The following WWOX variants were observed in gnomAD, a reference collection of about 807,000 sequenced individuals.
WWOX encodes the protein WW domain-containing oxidoreductase.
A neutral mutation model predicts 46.2 loss-of-function variants in WWOX; 69 were observed. The observed-to-expected ratio is 1.49, with a 90% CI of 1.23 to 1.82. The LOEUF (loss-of-function observed/expected upper bound fraction) is 1.82, where lower values mean the gene tolerates loss of function less well. WWOX is among the 40% of genes most tolerant of loss of function. WWOX has a pLI of 0.00. For synonymous variants in WWOX, 359 were observed against 202.6 expected (o/e 1.77, Z -6.56); for missense variants, 919 against 542.6 (o/e 1.69, Z -6.89).
chr16:79,009,868 T>G (rs1567480979), intron 8 of WWOX, among the ~76,000 whole-genome samples: 1 of 152,062 alleles, frequency 6.6e-6, no homozygotes, highest in South Asian at 2.1e-4. Context: ...GGGAAGGTGG[T>G]TGGAGAGAGT....
At chr16:78,134,739 T>A (rs901875062) in intron 4 of WWOX, among the ~76,000 whole-genome samples, 1 of 152,196 alleles carries the variant, frequency 6.6e-6, no homozygotes, top group Admixed American at 6.5e-5. Context: ...TGTTTGCAAT[T>A]AATGGCAGGA....
chr16:78,528,789 G>T (rs1282857796), intron 8 of WWOX, among the ~76,000 whole-genome samples: 1 of 152,088 alleles, frequency 6.6e-6, no homozygotes, highest in Non-Finnish European at 1.5e-5. Flanking sequence ...TTTTTCAGTG[G>T]CTGGTTCTTC....
intron 8 of WWOX, among the ~76,000 whole-genome samples, chr16:78,983,175 A>G (rs1046884189): frequency 6.6e-6 from 1 of 152,190 alleles, no homozygotes; most frequent in Non-Finnish European, 1.5e-5. Context: ...GAATTCCTTC[A>G]TAGAATCAAA....
intron 5 of WWOX, among the ~76,000 whole-genome samples, chr16:78,245,355 C>G (rs1365370704): frequency 6.6e-6 from 1 of 152,158 alleles, no homozygotes; most frequent in Non-Finnish European, 1.5e-5. Context: ...ATCTTTGGTT[C>G]TAAAGCATTT....
intron 5 of WWOX, among the ~76,000 whole-genome samples, chr16:78,366,654 G>A (rs955918678): frequency 4.6e-5 from 7 of 152,146 alleles, no homozygotes; most frequent in Admixed American, 2.6e-4. Context: ...CTCGTCTGTT[G>A]CCACTTTTGC....
intron 8 of WWOX, among the ~76,000 whole-genome samples, chr16:78,703,454 T>G (rs1444098209): frequency 4.4e-5 from 1 of 22,788 alleles, no homozygotes; most frequent in Non-Finnish European, 7.4e-5. Flanking sequence ...TCTCTACACA[T>G]TTTTTTTTTT....
At chr16:78,167,002 G>T (rs1336760419) in intron 5 of WWOX, 1 of 152,182 alleles carries the variant, frequency 6.6e-6, no homozygotes, top group Non-Finnish European at 1.5e-5. Context: ...TGTAATATTT[G>T]AAACTAGAAA....
intron 8 of WWOX, among the ~76,000 whole-genome samples, chr16:78,948,882 A>T (rs2046001637): frequency 6.6e-6 from 1 of 152,160 alleles, no homozygotes; most frequent in Non-Finnish European, 1.5e-5. Context: ...AGCCCTTCAA[A>T]GCAGAAGGGG....
intron 8 of WWOX, among the ~76,000 whole-genome samples, chr16:78,687,534 T>C (rs1016219881): frequency 1.3e-5 from 2 of 152,202 alleles, no homozygotes; most frequent in African/African-American, 4.8e-5. Flanking sequence ...TGCCATTCTA[T>C]GTTTTATCGG....
chr16:79,169,885 G>T (rs2050667135), intron 8 of WWOX, among the ~76,000 whole-genome samples: 1 of 152,098 alleles, frequency 6.6e-6, no homozygotes, highest in Admixed American at 6.6e-5. Context: ...GGCTTGATGG[G>T]CCCAGAAATC....
At chr16:78,651,664 C>G (rs1597395951) in intron 8 of WWOX, among the ~76,000 whole-genome samples, 1 of 152,218 alleles carries the variant, frequency 6.6e-6, no homozygotes, top group Non-Finnish European at 1.5e-5. Context: ...TGACCACTGC[C>G]TCCCCTTCTC....
chr16:78,468,202 C>T (rs749878910), intron 8 of WWOX, among the ~76,000 whole-genome samples: 6 of 151,804 alleles, frequency 4.0e-5, no homozygotes, highest in Non-Finnish European at 8.8e-5. Flanking sequence ...CTCTGCTCAG[C>T]TTCTCTTTTC....
intron 8 of WWOX, among the ~76,000 whole-genome samples, chr16:79,138,264 A>C (rs2050021535): frequency 6.6e-6 from 1 of 152,152 alleles, no homozygotes; most frequent in Admixed American, 6.5e-5. Flanking sequence ...AAGGTGCTGT[A>C]CTCATAGGAA....
intron 8 of WWOX, among the ~76,000 whole-genome samples, chr16:79,147,663 A>G (rs768936554): frequency 1.3e-5 from 2 of 152,170 alleles, no homozygotes; most frequent in Non-Finnish European, 2.9e-5. Context: ...TTGTATAAGA[A>G]ACTGTCAAGC....
intron 4 of WWOX, among the ~76,000 whole-genome samples, chr16:78,127,605 G>A (rs1175930444): frequency 1.3e-5 from 2 of 150,896 alleles, no homozygotes; most frequent in African/African-American, 4.9e-5. Context: ...AAAAGAGAAG[G>A]AAAACTATTA....
rs148899781 is a variant in WWOX at position 78,588,443 on chromosome 16, G to T, written c.1056+155691G>T. Among the ~76,000 whole-genome samples the T allele has an allele frequency of 8.1e-3, 1,228 of 152,296 alleles. 9 individuals are homozygous for T. Among genetic ancestry groups the T allele is most frequent in the Non-Finnish European group, 0.013 (887 of 68,032 alleles). On this transcript the variant is annotated intron_variant, in intron 8 of 8. Transcript: ENST00000566780. ...TGAGGCTTGCTCTCAGGAAGTTCTT[G>T]TTCAGCAGCAAAAATCTGCCCTGTT... is the stretch of plus-strand genomic sequence containing the variant.
At chr16:78,870,504 TA>T (rs375392174) in intron 8 of WWOX, among the ~76,000 whole-genome samples, 5 of 149,098 alleles carry the variant, frequency 3.4e-5, no homozygotes, top group Admixed American at 2.0e-4. Flanking sequence ...TGTGTCAGAT[TA>T]AAAAAAAAAC....
intron 8 of WWOX, among the ~76,000 whole-genome samples, chr16:78,798,455 G>C (rs913913910): frequency 6.6e-6 from 1 of 152,056 alleles, no homozygotes; most frequent in Non-Finnish European, 1.5e-5. Context: ...TTAATATGCC[G>C]CTTTTTTGTT....
intron 8 of WWOX, among the ~76,000 whole-genome samples, chr16:78,881,722 A>G (rs550969111): frequency 4.6e-5 from 7 of 152,248 alleles, no homozygotes; most frequent in Non-Finnish European, 8.8e-5. Context: ...AAGAAGTAAT[A>G]GAATGATCAA....
Sources: gnomAD v4.1 joint callset for allele counts (sites outside exome capture counted in the v4.1 genomes callset) on GRCh38, gnomAD v4.1.1 for gene constraint, MANE v1.5 for transcripts, NCBI Gene and HGNC (gene_info 2026-07-23, HGNC 2026-07-21) for gene names.